Variants in EZH2 observed in about 807,000 individuals in gnomAD.
EZH2 encodes the protein histone-lysine N-methyltransferase EZH2.
A neutral mutation model predicts 98.4 loss-of-function variants in EZH2; 18 were observed. The ratio of observed to expected loss-of-function variants is 0.18; its 90% CI spans 0.13 to 0.27. The LOEUF (loss-of-function observed/expected upper bound fraction) is 0.27. Among genes scored for constraint, EZH2 ranks in the 10% least tolerant of loss-of-function variants. EZH2 has a pLI of 1.00. For synonymous variants in EZH2, 338 were observed against 312.3 expected (o/e 1.08, Z -0.87); for missense variants, 470 against 935.1 (o/e 0.50, Z 6.49).
chr7:148,881,158 A>G (rs1386908496), intron 1 of EZH2, among the ~76,000 whole-genome samples: 1 of 152,264 alleles, frequency 6.6e-6, no homozygotes, highest in Non-Finnish European at 1.5e-5. Flanking sequence ...AGGCTAATCC[A>G]TAAATCATTG....
At chr7:148,874,373 G>A (rs556363006) in intron 1 of EZH2, among the ~76,000 whole-genome samples, 1 of 152,058 alleles carries the variant, frequency 6.6e-6, no homozygotes, top group South Asian at 2.1e-4. Flanking sequence ...GGGTGACAGA[G>A]CAAAACCCCG....
At chr7:148,833,241 G>A (rs1015402966) in intron 3 of EZH2, among the ~76,000 whole-genome samples, 110 of 151,986 alleles carry the variant, frequency 7.2e-4, no homozygotes, top group African/African-American at 2.4e-3. Context: ...GGCGGATCAC[G>A]AGGTCAGGAG....
intron 3 of EZH2, chr7:148,836,840 T>G: frequency 4.0e-6 from 2 of 500,364 alleles, no homozygotes; most frequent in South Asian, 1.5e-5. Flanking sequence ...GCTGGTACAA[T>G]AGGCGACTGT....
At chr7:148,817,560 A>G in intron 10 of EZH2, 169 bp from the exon 11 acceptor site, 1 of 699,876 alleles carries the variant, frequency 1.4e-6, no homozygotes, top group Non-Finnish European at 2.3e-6. Flanking sequence ...TACTCACAGA[A>G]CGTCAAGAAT....
rs1256182618 is a variant in EZH2 at position 148,829,774 on chromosome 7, A to G, written c.438T>C (p.Ile146=). ...CATCATAATTTTTTATTAGTTCTTC[A>G]ATGAAAGTACCATCCTGATCTAAAA... The part of the protein sequence containing the change: ...DEVLDQDGTF[I]EELIKNYDGK... The change falls in exon 5 of 20, where the codon ATT becomes ATC. Residue 146 remains isoleucine, a synonymous_variant. Transcript: ENST00000320356. 1 of 1,610,204 alleles carries G rather than the reference A, an allele frequency of 6.2e-7. No homozygotes were observed. Among genetic ancestry groups the G allele is most frequent in the African/African-American group, 1.3e-5 (1 of 74,736 alleles).
At chr7:148,846,655 A>AT (rs1242558497) in intron 2 of EZH2, 57 bp from the exon 3 acceptor site, 3 of 1,508,900 alleles carry the variant, frequency 2.0e-6, no homozygotes, top group South Asian at 1.2e-5. Context: ...TAGAAAATGT[A>AT]TAACACCTGT....
chr7:148,866,493 TATATATACGTATATAC>T lies in EZH2; in HGVS notation c.-8+17655_-8+17670del, dbSNP rs1342160567. On this transcript the variant is annotated intron_variant, in intron 1 of 19. Transcript: ENST00000320356. ...TCCCAGCCCCCAAAACTGTGAAAAA[TATATATACGTATATAC>T]ATATATATGTGTATATACATATATA... 7.4e-3 allele frequency among the ~76,000 whole-genome samples: 1,082 copies of T among 146,402 alleles called. 14 individuals are homozygous for T. The highest frequency in any genetic ancestry group is 0.025 in the African/African-American group (1,008 of 39,854).
intron 5 of EZH2, among the ~76,000 whole-genome samples, chr7:148,829,134 T>C (rs183083118): frequency 4.6e-5 from 7 of 152,286 alleles, no homozygotes; most frequent in Non-Finnish European, 2.9e-5. Context: ...AACTGAATCT[T>C]CTAGGAACTG....
At chr7:148,840,393 G>T (rs572128571) in intron 3 of EZH2, among the ~76,000 whole-genome samples, 4 of 151,798 alleles carry the variant, frequency 2.6e-5, no homozygotes, top group South Asian at 2.1e-4. Context: ...GCCCAAAATG[G>T]AAAGGATGTA....
At position 148,834,574 on chromosome 7, in the gene EZH2, T is replaced by G. The variant is rs183515372; in HGVS notation, c.247-1824A>C. 2.5e-3 allele frequency among the ~76,000 whole-genome samples: 378 copies of G among 152,210 alleles called. 2 individuals are homozygous for G. Among genetic ancestry groups the G allele is most frequent in the Non-Finnish European group, 4.0e-3 (272 of 68,010 alleles). On this transcript the variant is annotated intron_variant, in intron 3 of 19. Coordinates refer to ENST00000320356, the MANE Select transcript of EZH2 (RefSeq NM_004456.5). Reference sequence around the variant, plus strand: ...AAAATAATTCCTTCCTTAGTGGAAGTAAAGGTTTAAGGATGGAGTAGTTAG... The same window carrying G: ...AAAATAATTCCTTCCTTAGTGGAAGGAAAGGTTTAAGGATGGAGTAGTTAG...
chr7:148,821,684 G>C (rs531484444), intron 8 of EZH2, among the ~76,000 whole-genome samples: 1 of 152,250 alleles, frequency 6.6e-6, no homozygotes, highest in South Asian at 2.1e-4. Context: ...AAACTAACCA[G>C]CAATGGTGGT....
rs907601714 is a variant in EZH2 at position 148,810,170 on chromosome 7, T to C, written c.2029+163A>G. 1.4e-5 allele frequency: 7 copies of C among 499,798 alleles called. No homozygotes were observed. In the South Asian group the frequency reaches 2.5e-4, roughly 18 times the overall value. 31.0% of individuals were successfully genotyped at this position (499,798 alleles called of 1,614,324 possible). On this transcript the variant is annotated intron_variant, in intron 17 of 19. Coordinates refer to ENST00000320356, the MANE Select transcript of EZH2 (RefSeq NM_004456.5). The stretch of plus-strand genomic sequence containing the variant: ...TCTAGTCTATCTGCTCCCTGAGGAA[T>C]TCCTTGCTCCAGTTCCTTTCAAGCA...
At chr7:148,828,502 T>G (rs1808398210) in intron 6 of EZH2, among the ~76,000 whole-genome samples, 4 of 151,980 alleles carry the variant, frequency 2.6e-5, no homozygotes, top group African/African-American at 9.7e-5. Context: ...GTTGCCCAGG[T>G]TGGTCTTGAA....
intron 3 of EZH2, among the ~76,000 whole-genome samples, chr7:148,841,698 ATAT>A (rs1241782313): frequency 2.0e-5 from 3 of 152,198 alleles, no homozygotes; most frequent in African/African-American, 7.2e-5. Flanking sequence ...ATACACTAGG[ATAT>A]TATTTTTTCT....
chr7:148,819,107 A>C (rs1252495820), intron 9 of EZH2: 1 of 455,908 alleles, frequency 2.2e-6, no homozygotes, highest in Admixed American at 2.4e-5. Context: ...TACCCGTAAA[A>C]ACAACTTTTC....
intron 19 of EZH2, among the ~76,000 whole-genome samples, chr7:148,808,444 A>G (rs1802106624): frequency 6.6e-6 from 1 of 152,252 alleles, no homozygotes; most frequent in Admixed American, 6.5e-5. Context: ...CTAGACAGTC[A>G]TCTGACTGCA....
intron 3 of EZH2, among the ~76,000 whole-genome samples, chr7:148,834,467 T>C (rs1245627551): frequency 6.6e-6 from 1 of 152,058 alleles, no homozygotes; most frequent in Non-Finnish European, 1.5e-5. Context: ...AAATCTGGCA[T>C]ATGGGCCACA....
intron 1 of EZH2, among the ~76,000 whole-genome samples, chr7:148,866,670 A>G (rs1818584841): frequency 6.8e-6 from 1 of 146,464 alleles, no homozygotes; most frequent in African/African-American, 2.5e-5. Flanking sequence ...ATATGCATAT[A>G]TATGTACGTA....
intron 2 of EZH2, 86 bp downstream of exon 2, chr7:148,847,096 A>G (rs761831489): frequency 5.4e-6 from 8 of 1,473,504 alleles, no homozygotes; most frequent in Non-Finnish European, 7.3e-6. Flanking sequence ...GGCTAGAATT[A>G]TTTTAAATAA....
Sources: gnomAD v4.1 joint callset for allele counts (sites outside exome capture counted in the v4.1 genomes callset) on GRCh38, gnomAD v4.1.1 for gene constraint, MANE v1.5 for transcripts, NCBI Gene and HGNC (gene_info 2026-07-23, HGNC 2026-07-21) for gene names.